The following COLEC12 variants were observed in gnomAD, a reference collection of about 807,000 sequenced individuals.
The protein encoded by COLEC12 is collectin-12.
A neutral mutation model predicts 71.1 loss-of-function variants in COLEC12; 33 were observed. The ratio of observed to expected loss-of-function variants is 0.46; its 90% CI spans 0.35 to 0.62. The LOEUF is 0.62. Among genes scored for constraint, COLEC12 ranks in the 20% least tolerant of loss-of-function variants. COLEC12 has a pLI of 0.00. For synonymous variants in COLEC12, 350 were observed against 353.0 expected, an observed-to-expected ratio of 0.99 and a Z score of 0.10; for missense variants, 765 against 916.1, an observed-to-expected ratio of 0.84 and a Z score of 2.13.
intron 2 of COLEC12, among the ~76,000 whole-genome samples, chr18:395,449 C>G (rs564509158): frequency 1.3e-5 from 2 of 152,316 alleles, no homozygotes; most frequent in Admixed American, 1.3e-4. Flanking sequence ...TGTACTAACT[C>G]AACCCCTGCG....
At chr18:415,259 C>T (rs1940437) in intron 2 of COLEC12, among the ~76,000 whole-genome samples, 1 of 152,050 alleles carries the variant, frequency 6.6e-6, no homozygotes. Context: ...ACTAAAGTGA[C>T]CAGACAACTC....
At chr18:397,034 C>A (rs1360496511) in intron 2 of COLEC12, among the ~76,000 whole-genome samples, 2 of 152,196 alleles carry the variant, frequency 1.3e-5, no homozygotes, top group African/African-American at 4.8e-5. Context: ...GGAACCAGAT[C>A]TTGGATGGAC....
intron 2 of COLEC12, among the ~76,000 whole-genome samples, chr18:375,527 C>A (rs1043625721): frequency 6.6e-6 from 1 of 152,120 alleles, no homozygotes; most frequent in Non-Finnish European, 1.5e-5. Context: ...CATTATGTTG[C>A]CCAGGCTGGA....
intron 2 of COLEC12, among the ~76,000 whole-genome samples, chr18:453,985 C>T (rs1916814091): frequency 6.6e-6 from 1 of 152,214 alleles, no homozygotes; most frequent in Non-Finnish European, 1.5e-5. Context: ...ACACCATCAC[C>T]TCTGATTTAG....
intron 2 of COLEC12, among the ~76,000 whole-genome samples, chr18:477,742 C>T (rs1917333362): frequency 6.6e-6 from 1 of 152,212 alleles, no homozygotes; most frequent in African/African-American, 2.4e-5. Context: ...GTGAGGTAGA[C>T]TCACCTACGT....
intron 2 of COLEC12, among the ~76,000 whole-genome samples, chr18:391,158 G>A (rs1245240276): frequency 6.6e-6 from 1 of 152,184 alleles, no homozygotes; most frequent in African/African-American, 2.4e-5. Flanking sequence ...ACGTGAGGAG[G>A]GCTATTGGTG....
chr18:422,338 C>T (rs969256542), intron 2 of COLEC12, among the ~76,000 whole-genome samples: 1 of 152,164 alleles, frequency 6.6e-6, no homozygotes, highest in Non-Finnish European at 1.5e-5. Context: ...GCTCTCTTTC[C>T]TAAGCCCTCA....
chr18:393,763 G>A (rs1281087178), intron 2 of COLEC12, among the ~76,000 whole-genome samples: 1 of 152,178 alleles, frequency 6.6e-6, no homozygotes, highest in Admixed American at 6.5e-5. Flanking sequence ...ATACACGTCT[G>A]TGCCCTTTGC....
intron 2 of COLEC12, among the ~76,000 whole-genome samples, chr18:373,467 T>A (rs956252840): frequency 2.0e-5 from 3 of 152,094 alleles, no homozygotes; most frequent in African/African-American, 7.2e-5. Flanking sequence ...AGATGAAGGG[T>A]TTGTACTAAT....
chr18:331,610 A>AAGTGACAACAGAAC, intron 8 of COLEC12, 58 bp downstream of exon 8: 2 of 1,114,924 alleles, frequency 1.8e-6, no homozygotes, highest in East Asian at 4.7e-5. Flanking sequence ...GTCGGGCAAG[A>AAGTGACAACAGAAC]AGTGACAACA....
chr18:447,482 C>T (rs984406195), intron 2 of COLEC12, among the ~76,000 whole-genome samples: 2 of 152,200 alleles, frequency 1.3e-5, no homozygotes, highest in East Asian at 3.9e-4. Flanking sequence ...GAGCAGAGGC[C>T]ACCCAGTCGG....
At chr18:373,472 A>G (rs1021338331) in intron 2 of COLEC12, among the ~76,000 whole-genome samples, 2 of 152,240 alleles carry the variant, frequency 1.3e-5, no homozygotes, top group African/African-American at 4.8e-5. Context: ...AAGGGTTTGT[A>G]CTAATTCCTC....
intron 2 of COLEC12, among the ~76,000 whole-genome samples, chr18:475,734 C>T (rs1294830244): frequency 6.6e-6 from 1 of 152,186 alleles, no homozygotes; most frequent in Non-Finnish European, 1.5e-5. Context: ...CAGTAGTCCT[C>T]TATGCTTTTA....
chr18:500,597 A>C lies in COLEC12; in HGVS notation c.-83T>G. The C allele has an allele frequency of 1.8e-6, 2 of 1,127,698 alleles. No individual in the cohort carries two copies. Among genetic ancestry groups the C allele is most frequent in the Non-Finnish European group, 2.2e-6 (2 of 902,574 alleles). 69.9% of individuals were successfully genotyped at this position (1,127,698 alleles called of 1,614,324 possible). On this transcript the variant is annotated 5_prime_UTR_variant, in exon 1 of 10. An upstream open reading frame in the 5' UTR loses its in-frame stop. Coordinates refer to ENST00000400256, the MANE Select transcript of COLEC12 (RefSeq NM_130386.3). The surrounding 1 kb of genome is among the most constrained non-coding windows in gnomAD (Gnocchi z 5.3). The stretch of plus-strand genomic sequence containing the variant: ...AGGAAGTCGTCCCGAGCGGCTGCTC[A>C]CCGCACGCCCATGGTAGCCGCGCCG...
rs939943949 is a variant in COLEC12, at chr18:318,357, T to C, written c.*1688A>G. 6.6e-6 allele frequency: 1 copy of C among 152,122 alleles called. No homozygotes were observed. The highest frequency in any genetic ancestry group is 1.5e-5 in the Non-Finnish European group (1 of 68,060). 9.4% of individuals were successfully genotyped at this position (152,122 alleles called of 1,614,324 possible). The stretch of plus-strand genomic sequence containing the variant: ...AGACCCTTGGGAGGGAGAAGGAATC[T>C]GTTGGATGGAAATCTTACCTTTGAG... On this transcript the variant is annotated 3_prime_UTR_variant, in exon 10 of 10. Coordinates refer to ENST00000400256, the MANE Select transcript of COLEC12 (RefSeq NM_130386.3).
intron 3 of COLEC12, among the ~76,000 whole-genome samples, chr18:352,128 A>C (rs538733743): frequency 6.6e-6 from 1 of 152,356 alleles, no homozygotes; most frequent in South Asian, 2.1e-4. Context: ...ATGCAGTTCT[A>C]ATAATCTGTA....
In COLEC12 at chr18:333,108, A is replaced by G; in HGVS notation, c.1852T>C (p.Cys618Arg). 1 of 1,611,048 alleles carries G rather than the reference A, an allele frequency of 6.2e-7. No homozygotes were observed. The highest frequency in any genetic ancestry group is 8.5e-7 in the Non-Finnish European group (1 of 1,178,818). The change falls in exon 7 of 10, where the codon TGC becomes CGC. Residue 618 changes from cysteine (C) to arginine (R), a missense_variant. Transcript: ENST00000400256. ...PPHWKNFTDK[C>R]YYFSVEKEIF... The stretch of plus-strand genomic sequence containing the variant: ...TCTTTCTCAACTGAAAAATAGTAGC[A>G]TTTGTCTGTGAAGTTCTTCCAGTGA...
intron 2 of COLEC12, among the ~76,000 whole-genome samples, chr18:412,043 A>C (rs1240266700): frequency 1.3e-5 from 2 of 152,184 alleles, no homozygotes; most frequent in African/African-American, 2.4e-5. Context: ...CAGATAGAAA[A>C]GTAATAGAAG....
intron 2 of COLEC12, among the ~76,000 whole-genome samples, chr18:430,767 A>G (rs2143673400): frequency 6.6e-6 from 1 of 152,358 alleles, no homozygotes; most frequent in South Asian, 2.1e-4. Flanking sequence ...ATGTAAAGCC[A>G]TGGTCATATG....
Sources: gnomAD v4.1 joint callset for allele counts (sites outside exome capture counted in the v4.1 genomes callset) on GRCh38, gnomAD v4.1.1 for gene constraint, Gnocchi (gnomAD v3.1) non-coding constraint, MANE v1.5 for transcripts, NCBI Gene and HGNC (gene_info 2026-07-23, HGNC 2026-07-21) for gene names.